The following CLDN10 variants were observed in gnomAD, a reference collection of about 807,000 sequenced individuals.
CLDN10 encodes claudin-10.
A neutral mutation model predicts 22.9 loss-of-function variants in CLDN10; 15 were observed. The observed-to-expected ratio is 0.65, with a 90% CI of 0.44 to 1.01. The LOEUF (loss-of-function observed/expected upper bound fraction) is 1.01. Among genes scored for constraint, CLDN10 ranks in the 50% least tolerant of loss-of-function variants. The pLI is 0.00. For synonymous variants in CLDN10, 114 were observed against 111.4 expected, an observed-to-expected ratio of 1.02 and a Z score of -0.15; for missense variants, 247 against 287.8, an observed-to-expected ratio of 0.86 and a Z score of 1.03.
At chr13:95,525,972 T>C (rs887917311) in intron 1 of CLDN10, among the ~76,000 whole-genome samples, 1 of 152,250 alleles carries the variant, frequency 6.6e-6, no homozygotes, top group Non-Finnish European at 1.5e-5. Flanking sequence ...TTGGATCTCC[T>C]GGATCGTTCT....
At chr13:95,575,770 C>T (rs2043916666) in intron 3 of CLDN10, among the ~76,000 whole-genome samples, 1 of 152,192 alleles carries the variant, frequency 6.6e-6, no homozygotes, top group Non-Finnish European at 1.5e-5. Context: ...CATCAGTCAC[C>T]CTGATGTCCC....
At chr13:95,466,568 A>G (rs940098533) in intron 1 of CLDN10, among the ~76,000 whole-genome samples, 1 of 152,196 alleles carries the variant, frequency 6.6e-6, no homozygotes, top group African/African-American at 2.4e-5. Context: ...AACCCTCCTC[A>G]TGAGATAAAG....
At chr13:95,509,448 C>A (rs1161120778) in intron 1 of CLDN10, among the ~76,000 whole-genome samples, 1 of 152,086 alleles carries the variant, frequency 6.6e-6, no homozygotes, top group African/African-American at 2.4e-5. Flanking sequence ...ATGAGATCAC[C>A]CCTGAAATTC....
intron 1 of CLDN10, among the ~76,000 whole-genome samples, chr13:95,450,814 G>C (rs1322312713): frequency 6.6e-6 from 1 of 152,190 alleles, no homozygotes; most frequent in African/African-American, 2.4e-5. Context: ...TGATCAAATA[G>C]TAAAAAGAAA....
chr13:95,553,065 C>T (rs975827778), intron 1 of CLDN10, 92 bp downstream of exon 1: 9 of 1,512,200 alleles, frequency 6.0e-6, no homozygotes, highest in Non-Finnish European at 8.0e-6. Flanking sequence ...CCAGCGGGAC[C>T]CCTAGACTGG....
Position 95,552,807 on chromosome 13 carries a change from G to C in CLDN10, c.54G>C (p.Trp18Cys). ...IIAFMVSISG[W>C]VLVSSTLPTD... The stretch of plus-strand genomic sequence containing the variant: ...CCTTCATGGTCTCCATCTCAGGCTG[G>C]GTACTGGTGTCCTCCACGCTGCCCA... The change falls in exon 1 of 5, where the codon TGG becomes TGC. Residue 18 changes from tryptophan to cysteine, a missense_variant. By Grantham distance (215) the Trp-to-Cys change is radical. Transcript: ENST00000299339. 10 of 1,614,022 alleles carry C rather than the reference G, an allele frequency of 6.2e-6. No homozygotes were observed. Among genetic ancestry groups the C allele is most frequent in the Non-Finnish European group, 8.5e-6 (10 of 1,179,984 alleles).
At chr13:95,498,474 A>G (rs992143029) in intron 1 of CLDN10, among the ~76,000 whole-genome samples, 6 of 152,108 alleles carry the variant, frequency 3.9e-5, no homozygotes, top group African/African-American at 1.4e-4. Context: ...GGCTCAGTGC[A>G]GCCTCAACCT....
intron 1 of CLDN10, among the ~76,000 whole-genome samples, chr13:95,445,825 T>C (rs962295754): frequency 6.6e-6 from 1 of 152,174 alleles, no homozygotes; most frequent in Non-Finnish European, 1.5e-5. Flanking sequence ...TTAATGCAAT[T>C]GTAGGTGACA....
chr13:95,568,287 G>A (rs540677061), intron 3 of CLDN10, among the ~76,000 whole-genome samples: 1 of 152,284 alleles, frequency 6.6e-6, no homozygotes, highest in Admixed American at 6.5e-5. Flanking sequence ...TATTAAGAAA[G>A]TGTTACTCAG....
At chr13:95,486,677 C>T (rs935049476) in intron 1 of CLDN10, among the ~76,000 whole-genome samples, 1 of 152,106 alleles carries the variant, frequency 6.6e-6, no homozygotes, top group African/African-American at 2.4e-5. Context: ...GCCTCACAGG[C>T]ATCTCAAACA....
At chr13:95,509,654 T>C (rs2043074997) in intron 1 of CLDN10, among the ~76,000 whole-genome samples, 1 of 152,224 alleles carries the variant, frequency 6.6e-6, no homozygotes, top group African/African-American at 2.4e-5. Flanking sequence ...TCAGCACTCA[T>C]ATAGTAAGAG....
At chr13:95,559,842 G>C (rs1201138094) in intron 1 of CLDN10, among the ~76,000 whole-genome samples, 3 of 152,092 alleles carry the variant, frequency 2.0e-5, no homozygotes, top group African/African-American at 7.2e-5. Flanking sequence ...ACTCACCTCT[G>C]GTAAGTCACA....
chr13:95,495,112 T>C (rs1235609180), intron 1 of CLDN10, among the ~76,000 whole-genome samples: 1 of 151,842 alleles, frequency 6.6e-6, no homozygotes, highest in Non-Finnish European at 1.5e-5. Context: ...CTCAGCTCAC[T>C]GCAACCTCCA....
intron 1 of CLDN10, among the ~76,000 whole-genome samples, chr13:95,494,338 T>C (rs1236411679): frequency 6.6e-6 from 1 of 152,208 alleles, no homozygotes; most frequent in South Asian, 2.1e-4. Flanking sequence ...AGAGGAAACA[T>C]CATTTGCAGA....
intron 1 of CLDN10, among the ~76,000 whole-genome samples, chr13:95,442,300 C>G (rs564188360): frequency 1.3e-5 from 2 of 152,210 alleles, no homozygotes; most frequent in African/African-American, 2.4e-5. Context: ...GTGGCTATTA[C>G]TCTGCTCTAC....
At chr13:95,568,233 A>T (rs927927490) in intron 3 of CLDN10, among the ~76,000 whole-genome samples, 5 of 152,240 alleles carry the variant, frequency 3.3e-5, no homozygotes, top group African/African-American at 1.2e-4. Flanking sequence ...GAGATTCCAG[A>T]TAAGTGCCAA....
chr13:95,532,792 C>CAAAAAAAAAAAAAAAAA lies in CLDN10; in HGVS notation c.215-27334_215-27318dup, dbSNP rs57500288. ...CTTCAGATACTGGAACTCAATTCAG[C>CAAAAAAAAAAAAAAAAA]AAAAAAAAAAAAAAAAAAAAAAGAA... On this transcript the variant is annotated intron_variant, in intron 1 of 4. Transcript: ENST00000376873. Among the ~76,000 whole-genome samples, 8 of 62,018 alleles carry CAAAAAAAAAAAAAAAAA rather than the reference C, an allele frequency of 1.3e-4. 1 individual carries two copies. Among genetic ancestry groups the CAAAAAAAAAAAAAAAAA allele is most frequent in the Admixed American group, 5.1e-4 (2 of 3,960 alleles). The allele number at this position is 62,018 out of a possible 152,430, so 40.7% of individuals were successfully genotyped here.
Position 95,434,068 on chromosome 13 carries a change from T to C in CLDN10, c.214+21T>C, listed in dbSNP as rs774704221. 5.0e-6 allele frequency: 8 copies of C among 1,602,506 alleles called. No individual in the cohort carries two copies. The African/African-American group carries it at 8.0e-5, about 16-fold the overall frequency. On this transcript the variant is annotated intron_variant, in intron 1 of 4. Transcript: ENST00000376873. ...AGCAGGTAAATATAATGGCTTTGTT[T>C]GGGGTGGAGGTAAAATGTACTTTTC...
intron 1 of CLDN10, among the ~76,000 whole-genome samples, chr13:95,538,989 C>T (rs1311092120): frequency 1.3e-5 from 2 of 152,196 alleles, no homozygotes; most frequent in Admixed American, 1.3e-4. Flanking sequence ...AAGTGATTCT[C>T]TGGCCTCAGC....
Sources: gnomAD v4.1 joint callset for allele counts (sites outside exome capture counted in the v4.1 genomes callset) on GRCh38, gnomAD v4.1.1 for gene constraint, MANE v1.5 for transcripts, NCBI Gene and HGNC (gene_info 2026-07-23, HGNC 2026-07-21) for gene names.